Variants in WWOX observed in about 807,000 individuals in gnomAD.
WWOX encodes WW domain containing oxidoreductase.
A neutral mutation model predicts 46.2 loss-of-function variants in WWOX; 69 were observed. The ratio of observed to expected loss-of-function variants is 1.49; its 90% CI spans 1.23 to 1.82. The LOEUF is 1.82. Ranked by LOEUF, WWOX falls within the 40% of genes most tolerant of loss-of-function variation. The pLI is 0.00. For missense variants in WWOX, 919 were observed against 542.6 expected, an observed-to-expected ratio of 1.69 and a Z score of -6.89; for synonymous variants, 359 against 202.6, an observed-to-expected ratio of 1.77 and a Z score of -6.56.
chr16:79,109,827 G>A (rs1194292699), intron 8 of WWOX, among the ~76,000 whole-genome samples: 1 of 152,150 alleles, frequency 6.6e-6, no homozygotes, highest in Non-Finnish European at 1.5e-5. Context: ...GATGATACCT[G>A]CACAGAAGCA....
intron 8 of WWOX, among the ~76,000 whole-genome samples, chr16:79,026,141 C>A (rs1045581450): frequency 1.3e-5 from 2 of 151,554 alleles, no homozygotes; most frequent in African/African-American, 4.9e-5. Flanking sequence ...TCATGTTAAC[C>A]TTCCACTCGC....
chr16:78,375,909 T>A (rs777143338), intron 5 of WWOX, among the ~76,000 whole-genome samples: 2 of 150,192 alleles, frequency 1.3e-5, no homozygotes, highest in Admixed American at 6.7e-5. Context: ...TCGAGTGCAG[T>A]GGCATGATGT....
intron 8 of WWOX, among the ~76,000 whole-genome samples, chr16:78,900,287 C>A (rs1235239511): frequency 2.0e-5 from 3 of 152,112 alleles, no homozygotes; most frequent in Non-Finnish European, 2.9e-5. Context: ...AGTTTCCAGC[C>A]TGGTTTCTCC....
chr16:78,802,406 C>A (rs181774662), intron 8 of WWOX, among the ~76,000 whole-genome samples: 2 of 151,568 alleles, frequency 1.3e-5, no homozygotes, highest in African/African-American at 4.9e-5. Context: ...AGATAAATGC[C>A]GAGGAAGCAA....
At chr16:78,501,103 C>A (rs1367218297) in intron 8 of WWOX, among the ~76,000 whole-genome samples, 2 of 151,620 alleles carry the variant, frequency 1.3e-5, no homozygotes, top group African/African-American at 2.4e-5. Flanking sequence ...GCAGGGATTC[C>A]AGGTCTCAGT....
intron 8 of WWOX, among the ~76,000 whole-genome samples, chr16:78,726,724 C>T (rs1482313670): frequency 1.3e-5 from 1 of 78,468 alleles, no homozygotes; most frequent in East Asian, 2.8e-4. Flanking sequence ...TTGTTTTGTT[C>T]CTTTTTTTTT....
intron 5 of WWOX, among the ~76,000 whole-genome samples, chr16:78,190,196 C>G (rs556420059): frequency 1.4e-4 from 21 of 152,242 alleles, no homozygotes; most frequent in Middle Eastern, 3.4e-3. Flanking sequence ...CAGACCAGTC[C>G]CTAGCCTGTG....
At chr16:78,797,973 G>A (rs1057366139) in intron 8 of WWOX, among the ~76,000 whole-genome samples, 3 of 152,202 alleles carry the variant, frequency 2.0e-5, no homozygotes, top group Non-Finnish European at 4.4e-5. Context: ...GGGTGACAGG[G>A]TGAGACCCTG....
intron 8 of WWOX, among the ~76,000 whole-genome samples, chr16:78,955,687 A>G (rs1028344594): frequency 6.6e-6 from 1 of 151,314 alleles, no homozygotes; most frequent in African/African-American, 2.4e-5. Flanking sequence ...GTCTTGCTCT[A>G]TTGCCCAGGC....
intron 8 of WWOX, among the ~76,000 whole-genome samples, chr16:78,813,541 G>T (rs941433631): frequency 3.9e-5 from 6 of 152,074 alleles, no homozygotes; most frequent in Non-Finnish European, 5.9e-5. Context: ...TGGTGGTCTG[G>T]CTTTGATGTA....
chr16:78,893,425 C>G (rs556926506), intron 8 of WWOX, among the ~76,000 whole-genome samples: 14 of 152,078 alleles, frequency 9.2e-5, no homozygotes, highest in African/African-American at 3.4e-4. Flanking sequence ...TTTGGATTGA[C>G]TTCTCTTTTC....
At chr16:78,904,664 CTT>C (rs528830572) in intron 8 of WWOX, among the ~76,000 whole-genome samples, 53 of 152,190 alleles carry the variant, frequency 3.5e-4, no homozygotes, top group African/African-American at 1.2e-3. Flanking sequence ...ACACTGGCAC[CTT>C]TTTGAGAGAG....
At chr16:78,948,539 G>T (rs1158924328) in intron 8 of WWOX, among the ~76,000 whole-genome samples, 2 of 152,046 alleles carry the variant, frequency 1.3e-5, no homozygotes, top group Non-Finnish European at 2.9e-5. Context: ...TGCCTGATTG[G>T]TAGGTGCCCA....
chr16:79,093,148 C>G (rs191738366), intron 8 of WWOX, among the ~76,000 whole-genome samples: 2 of 152,158 alleles, frequency 1.3e-5, no homozygotes, highest in African/African-American at 4.8e-5. Context: ...AAGAATGACA[C>G]TTCTAAAGGA....
chr16:78,360,856 T>G (rs1043912822), intron 5 of WWOX, among the ~76,000 whole-genome samples: 1 of 151,758 alleles, frequency 6.6e-6, no homozygotes, highest in Non-Finnish European at 1.5e-5. Flanking sequence ...GGTCTCACTC[T>G]GTCACCCAGG....
rs1025997782 is a variant in WWOX at position 78,986,655 on chromosome 16, G to T, written c.1057-224953G>T. 4.6e-5 allele frequency among the ~76,000 whole-genome samples: 7 copies of T among 152,334 alleles called. No homozygotes were observed. In the East Asian group the frequency reaches 9.6e-4, roughly 21 times the overall value. ...AGTACTCTGTTTTTCTCCCAAGAAT[G>T]GATCTGACTCTTGAATTCTCTTTAA... On this transcript the variant is annotated intron_variant, in intron 8 of 8. Coordinates refer to ENST00000566780, the MANE Select transcript of WWOX (RefSeq NM_016373.4).
chr16:78,464,222 G>T (rs2084020136), intron 8 of WWOX, among the ~76,000 whole-genome samples: 1 of 151,954 alleles, frequency 6.6e-6, no homozygotes, highest in African/African-American at 2.4e-5. Flanking sequence ...TGGAAGGGAA[G>T]GATGGAAGGA....
At chr16:79,147,029 C>G (rs2050194507) in intron 8 of WWOX, among the ~76,000 whole-genome samples, 1 of 152,162 alleles carries the variant, frequency 6.6e-6, no homozygotes, top group African/African-American at 2.4e-5. Flanking sequence ...AACAATTGTG[C>G]AATATCACAG....
At position 78,708,332 on chromosome 16, in the gene WWOX, T is replaced by C. The variant is rs148611483; in HGVS notation, c.1056+275580T>C. The stretch of plus-strand genomic sequence containing the variant: ...TTTGGGATATACTTCTAAGAAATGA[T>C]TTGTTGTTTATGTGAAACTCAAATT... On this transcript the variant is annotated intron_variant, in intron 8 of 8. Transcript: ENST00000566780. Among the ~76,000 whole-genome samples, 271 of 152,344 alleles carry C rather than the reference T, an allele frequency of 1.8e-3. 6 individuals carry two copies. The highest frequency in any genetic ancestry group is 0.015 in the Admixed American group (223 of 15,298).
Sources: gnomAD v4.1 joint callset for allele counts (sites outside exome capture counted in the v4.1 genomes callset) on GRCh38, gnomAD v4.1.1 for gene constraint, MANE v1.5 for transcripts, NCBI Gene and HGNC (gene_info 2026-07-23, HGNC 2026-07-21) for gene names.